CD3G: variants seen among roughly 807,000 people sequenced by gnomAD.
The protein encoded by CD3G is T-cell surface glycoprotein CD3 gamma chain.
CD3G carries 24 observed loss-of-function variants against 28.3 expected under a neutral mutation model. That is an observed-to-expected ratio of 0.85 (90% confidence interval 0.61 to 1.19). The LOEUF is 1.19. Among genes scored for constraint, CD3G ranks in the 50% most tolerant of loss-of-function variants. The pLI, the probability that CD3G is intolerant of heterozygous loss-of-function variation, is 0.00. For synonymous variants in CD3G, 71 were observed against 75.9 expected (o/e 0.93, Z 0.34); for missense variants, 211 against 210.0 (o/e 1.00, Z -0.03).
At chr11:118,347,614 G>C (rs144517713) in intron 1 of CD3G, among the ~76,000 whole-genome samples, 54 of 152,160 alleles carry the variant, frequency 3.5e-4, no homozygotes, top group Middle Eastern at 3.4e-3. Context: ...ACTACCCTAA[G>C]GTTTTGTTTG....
chr11:118,349,815 A>G lies in CD3G; in HGVS notation c.152A>G (p.Lys51Arg), dbSNP rs145778395. Residue 51 changes from lysine (K) to arginine (R), a missense_variant, in exon 3 of 7, where the codon AAA becomes AGA. Coordinates refer to ENST00000532917, the MANE Select transcript of CD3G (RefSeq NM_000073.3). ...CTTCTGACTTGTGATGCAGAAGCCA[A>G]AAATATCACATGGTTTAAAGATGGG... ...SVLLTCDAEAKNITWFKDGKM... is the reference protein window; with the variant it reads ...SVLLTCDAEARNITWFKDGKM... The G allele has an allele frequency of 6.5e-5, 105 of 1,614,184 alleles. 1 individual carries two copies. Among genetic ancestry groups the G allele is most frequent in the Admixed American group, 3.3e-4 (20 of 60,012 alleles).
At position 118,354,826 on chromosome 11, in the gene CD3G, A is replaced by C. The variant is rs1162844842; in HGVS notation, c.*1726A>C. The C allele has an allele frequency of 6.6e-6, 1 of 152,134 alleles. No homozygotes were observed. The highest frequency in any genetic ancestry group is 1.5e-5 in the Non-Finnish European group (1 of 67,992). 9.4% of individuals were successfully genotyped at this position (152,134 alleles called of 1,614,324 possible). A position where few individuals can be genotyped will look rare whatever the true frequency, so the allele number is the denominator to read the frequency against. On this transcript the variant is annotated 3_prime_UTR_variant, in exon 7 of 7. Transcript: ENST00000532917. ...AGTTGACTTATTTGTTTGTCTTCTT[A>C]CTATTGGGTTGCATATGTTTTTGAT...
intron 3 of CD3G, 65 bp downstream of exon 3, chr11:118,350,035 T>C (rs1948392185): frequency 7.9e-7 from 1 of 1,263,976 alleles, no homozygotes; most frequent in African/African-American, 1.5e-5. Flanking sequence ...TGGTGAGCTT[T>C]TTATCTGGGG....
rs1275882871 is a variant in CD3G, at chr11:118,350,537, TCCTTTTCC to T, written c.308-13_308-6del. Reference sequence around the variant, plus strand: ...CTTTCGCAACCTGAAGGTTTGTCTCTCCTTTTCCCTACAGTGTGTCAGAACTGCATTGA... The same window carrying T: ...CTTTCGCAACCTGAAGGTTTGTCTCTCTACAGTGTGTCAGAACTGCATTGA... On this transcript the variant is annotated splice_region_variant and splice_polypyrimidine_tract_variant and intron_variant, in intron 3 of 6. Coordinates refer to ENST00000532917, the MANE Select transcript of CD3G (RefSeq NM_000073.3). 6.3e-7 allele frequency: 1 copy of T among 1,599,092 alleles called. No homozygotes were observed. The highest frequency in any genetic ancestry group is 1.3e-5 in the African/African-American group (1 of 74,586).
intron 5 of CD3G, 144 bp downstream of exon 5, chr11:118,351,815 T>C (rs1948412423): frequency 1.4e-6 from 1 of 732,924 alleles, no homozygotes; most frequent in Middle Eastern, 2.9e-4. Flanking sequence ...TTGGGTAGAA[T>C]AAATGAACTA....
At chr11:118,351,749 G>A in intron 5 of CD3G, 78 bp downstream of exon 5, 1 of 1,350,100 alleles carries the variant, frequency 7.4e-7, no homozygotes, top group Non-Finnish European at 1.1e-6. Context: ...CATGTTATTT[G>A]GAAGATCCTA....
intron 1 of CD3G, among the ~76,000 whole-genome samples, chr11:118,347,215 G>A (rs1482468684): frequency 1.3e-5 from 2 of 152,058 alleles, no homozygotes; most frequent in African/African-American, 2.4e-5. Context: ...ATCTTATTCA[G>A]CTATTCTTTC....
rs1384333333 is a variant in CD3G, at chr11:118,354,933, T to C, written c.*1833T>C. ...TTTTTCTTAATGGTGTCTTTTGAAG[T>C]GCAAAAGGTTTGAATTTTGAAGTAC... On this transcript the variant is annotated 3_prime_UTR_variant, in exon 7 of 7. Transcript: ENST00000532917. 1 of 152,196 alleles carries C rather than the reference T, an allele frequency of 6.6e-6. No individual in the cohort carries two copies. Among genetic ancestry groups the C allele is most frequent in the East Asian group, 1.9e-4 (1 of 5,204 alleles). The allele number at this position is 152,196 out of a possible 1,614,324, so 9.4% of individuals were successfully genotyped here. A position where few individuals can be genotyped will look rare whatever the true frequency, so the allele number is the denominator to read the frequency against.
At chr11:118,350,174 T>G (rs1445266903) in intron 3 of CD3G, 1 of 603,034 alleles carries the variant, frequency 1.7e-6, no homozygotes, top group East Asian at 2.9e-5. Flanking sequence ...CTGTAAAATT[T>G]TGTTTACCTT....
Position 118,354,366 on chromosome 11 carries a change from G to T in CD3G, c.*1266G>T, listed in dbSNP as rs189260599. 6.9e-6 allele frequency: 1 copy of T among 145,726 alleles called. No individual in the cohort carries two copies. Among genetic ancestry groups the T allele is most frequent in the Admixed American group, 7.0e-5 (1 of 14,364 alleles). 9.0% of individuals were successfully genotyped at this position (145,726 alleles called of 1,614,324 possible). A position where few individuals can be genotyped will look rare whatever the true frequency, so the allele number is the denominator to read the frequency against. ...GGCCCAGGCTGGAGTGCAGTGGCGC[G>T]ATCTCAGCTCACTGCAACCTCCACC... On this transcript the variant is annotated 3_prime_UTR_variant, in exon 7 of 7. Transcript: ENST00000532917.
chr11:118,345,287 G>C (rs1041952445), intron 1 of CD3G, among the ~76,000 whole-genome samples: 25 of 152,210 alleles, frequency 1.6e-4, no homozygotes, highest in Admixed American at 1.6e-3. Flanking sequence ...TGGAAACCAA[G>C]AGAGTAGAGA....
intron 4 of CD3G, 70 bp downstream of exon 4, chr11:118,350,753 C>A: frequency 1.9e-6 from 3 of 1,611,344 alleles, no homozygotes; most frequent in Non-Finnish European, 2.5e-6. Flanking sequence ...CCATTATGTA[C>A]CCAATGGAAG....
chr11:118,345,997 G>A (rs1025790123), intron 1 of CD3G, among the ~76,000 whole-genome samples: 5 of 152,182 alleles, frequency 3.3e-5, no homozygotes, highest in African/African-American at 1.2e-4. Flanking sequence ...CTCAAGCCTG[G>A]GTGAGGTGGC....
chr11:118,346,357 A>C (rs1008790852), intron 1 of CD3G, among the ~76,000 whole-genome samples: 1 of 152,084 alleles, frequency 6.6e-6, no homozygotes, highest in African/African-American at 2.4e-5. Flanking sequence ...GAATTGCTTG[A>C]ACCCAGGAGA....
chr11:118,349,308 C>T (rs1591284025), intron 2 of CD3G: 1 of 1,409,414 alleles, frequency 7.1e-7, no homozygotes, highest in Non-Finnish European at 9.2e-7. Context: ...CAAACTGTGA[C>T]CCATGAACCA....
chr11:118,350,550 A>AGT lies in CD3G; in HGVS notation c.311_312dup. The AGT allele has an allele frequency of 6.2e-7, 1 of 1,609,456 alleles. No homozygotes were observed. The highest frequency in any genetic ancestry group is 8.5e-7 in the Non-Finnish European group (1 of 1,175,840). On this transcript the variant is annotated splice_acceptor_variant, in intron 3 of 6. Transcript: ENST00000532917. LOFTEE classifies it high-confidence loss of function. Reference sequence around the variant, plus strand: ...AAGGTTTGTCTCTCCTTTTCCCTACAGTGTGTCAGAACTGCATTGAACTAA... The same window carrying AGT: ...AAGGTTTGTCTCTCCTTTTCCCTACAGTGTGTGTCAGAACTGCATTGAACTAA...
At chr11:118,351,918 C>G (rs111912761) in intron 5 of CD3G, among the ~76,000 whole-genome samples, 23 of 152,042 alleles carry the variant, frequency 1.5e-4, no homozygotes, top group African/African-American at 5.3e-4. Context: ...TCTCGACAGG[C>G]TGGGCACTCA....
rs1948435435 is a variant in CD3G, at chr11:118,354,612, G to C, written c.*1512G>C. The C allele has an allele frequency of 6.6e-6, 1 of 151,948 alleles. No individual in the cohort carries two copies. Among genetic ancestry groups the C allele is most frequent in the Non-Finnish European group, 1.5e-5 (1 of 68,000 alleles). The allele number at this position is 151,948 out of a possible 1,614,324, so 9.4% of individuals were successfully genotyped here. On this transcript the variant is annotated 3_prime_UTR_variant, in exon 7 of 7. Coordinates refer to ENST00000532917, the MANE Select transcript of CD3G (RefSeq NM_000073.3). ...ACCTCCCAAAGTGCTGGGATTACAG[G>C]TGTGAGCCACCGCGCCAGGCCCGTA... is the stretch of plus-strand genomic sequence containing the variant.
intron 1 of CD3G, among the ~76,000 whole-genome samples, chr11:118,346,167 C>T (rs1948353939): frequency 6.6e-6 from 1 of 152,206 alleles, no homozygotes; most frequent in African/African-American, 2.4e-5. Flanking sequence ...GGCATGGTGG[C>T]TCATGCCTGT....
Sources: allele counts gnomAD v4.1 joint callset (sites outside exome capture counted in the v4.1 genomes callset), GRCh38; gene constraint gnomAD v4.1.1; transcripts MANE v1.5; gene names NCBI Gene and HGNC (gene_info 2026-07-23, HGNC 2026-07-21).